Variants in GLDC observed in about 807,000 individuals in gnomAD.
GLDC encodes the protein glycine dehydrogenase (decarboxylating), mitochondrial.
A neutral mutation model predicts 121.3 loss-of-function variants in GLDC; 104 were observed. The ratio of observed to expected loss-of-function variants is 0.86; its 90% CI spans 0.73 to 1.01. GLDC has a LOEUF of 1.01. GLDC is among the 50% of genes least tolerant of loss of function. The pLI, the probability that GLDC is intolerant of heterozygous loss-of-function variation, is 0.00. For missense variants in GLDC, 1,429 were observed against 1,306.6 expected, an observed-to-expected ratio of 1.09 and a Z score of -1.44; for synonymous variants, 546 against 480.6, an observed-to-expected ratio of 1.14 and a Z score of -1.78.
chr9:6,622,244 C>T lies in GLDC; in HGVS notation c.335-1925G>A, dbSNP rs191626583. 1.0e-3 allele frequency among the ~76,000 whole-genome samples: 155 copies of T among 151,798 alleles called. 2 individuals are homozygous for T. The East Asian group carries it at 0.027, about 26-fold the overall frequency. On this transcript the variant is annotated intron_variant, in intron 2 of 24. Transcript: ENST00000321612. ...ATAAATTCACAAGAGATATGGTCCC[C>T]CTCCCCCTCCCCCTCTCCCCACGGT...
At chr9:6,619,667 G>A (rs1330702995) in intron 3 of GLDC, among the ~76,000 whole-genome samples, 1 of 152,210 alleles carries the variant, frequency 6.6e-6, no homozygotes, top group Non-Finnish European at 1.5e-5. Context: ...GGCAGAGGTT[G>A]CAGTGAGCCA....
At position 6,539,551 on chromosome 9, in the gene GLDC, G is replaced by C. The variant is rs139852321; in HGVS notation, c.2665+500C>G. Among the ~76,000 whole-genome samples the C allele has an allele frequency of 6.7e-3, 1,024 of 152,282 alleles. 14 individuals carry two copies. The highest frequency in any genetic ancestry group is 0.024 in the African/African-American group (986 of 41,550). On this transcript the variant is annotated intron_variant, in intron 22 of 24. Coordinates refer to ENST00000321612, the MANE Select transcript of GLDC (RefSeq NM_000170.3). ...ACATTGTTCACTAGGAAAATGTAGT[G>C]AGCTGAGCTGAATGAACACCCACTA...
chr9:6,615,518 T>C (rs954506971), intron 3 of GLDC, among the ~76,000 whole-genome samples: 9 of 151,620 alleles, frequency 5.9e-5, no homozygotes, highest in Non-Finnish European at 1.2e-4. Flanking sequence ...GGAGTTCCAG[T>C]TTACAGTGAG....
Position 6,588,388 on chromosome 9 carries a change from G to C in GLDC, c.1707+13C>G. On this transcript the variant is annotated intron_variant, in intron 14 of 24. Transcript: ENST00000321612. ...CCTTGCTGAGTATCCACTTACAGAAGTGAGCTACTTACTGCGAGTTCAGAC... is the reference window on the plus strand; with the variant it reads ...CCTTGCTGAGTATCCACTTACAGAACTGAGCTACTTACTGCGAGTTCAGAC... The C allele has an allele frequency of 6.3e-7, 1 of 1,597,786 alleles. No homozygotes were observed. The highest frequency in any genetic ancestry group is 8.6e-7 in the Non-Finnish European group (1 of 1,165,178).
intron 15 of GLDC, among the ~76,000 whole-genome samples, chr9:6,583,834 G>C (rs1818216185): frequency 6.6e-6 from 1 of 152,336 alleles, no homozygotes; most frequent in African/African-American, 2.4e-5. Flanking sequence ...GAGCCAGAAA[G>C]TAGAATGGAG....
Position 6,606,639 on chromosome 9 carries a change from A to G in GLDC, c.666T>C (p.Asp222=), listed in dbSNP as rs12004164. 5.6e-3 allele frequency: 8,953 copies of G among 1,608,470 alleles called. 274 individuals carry two copies. The African/African-American group carries it at 0.077, about 14-fold the overall frequency. The change falls in exon 5 of 25, where the codon GAT becomes GAC. Residue 222 remains aspartate, a synonymous_variant. Transcript: ENST00000321612. ...CTATTGTCTGTGGGTGGCAACGGGG[A>G]TCAACGAGAAATTTCCTCCTCTTGT... ...RHNKRRKFLV[D]PRCHPQTIAV... is the part of the protein sequence containing the mutation.
chr9:6,644,419 AAC>A (rs1046789384), intron 2 of GLDC, 193 bp downstream of exon 2: 22 of 634,000 alleles, frequency 3.5e-5, no homozygotes, highest in East Asian at 1.4e-4. Context: ...ACTCTCTCCT[AAC>A]ACAAAACTGT....
At chr9:6,562,594 C>G (rs1006253289) in intron 16 of GLDC, among the ~76,000 whole-genome samples, 4 of 152,128 alleles carry the variant, frequency 2.6e-5, no homozygotes, top group African/African-American at 9.7e-5. Flanking sequence ...GAGTCTTGCT[C>G]TGTTGCCCAG....
In GLDC at chr9:6,602,066, G is replaced by A. The variant is rs7040427; in HGVS notation, c.1155+43C>T. 6,287 of 1,117,120 alleles carry A rather than the reference G, an allele frequency of 5.6e-3. 230 individuals carry two copies. The African/African-American group carries it at 0.081, about 14-fold the overall frequency. 69.2% of individuals were successfully genotyped at this position (1,117,120 alleles called of 1,614,324 possible). ...GAATGAATGAGTAGCTCATTTCTGT[G>A]TATCGTAAGGCATTCAGTAGTCAGG... is the stretch of plus-strand genomic sequence containing the variant. On this transcript the variant is annotated intron_variant, in intron 8 of 24. Transcript: ENST00000321612.
Position 6,624,768 on chromosome 9 carries a change from C to G in GLDC, c.335-4449G>C, listed in dbSNP as rs147899237. Among the ~76,000 whole-genome samples the G allele has an allele frequency of 5.6e-4, 85 of 152,184 alleles. 1 individual carries two copies. Among genetic ancestry groups the G allele is most frequent in the Middle Eastern group, 6.8e-3 (2 of 294 alleles). ...TTGGGAGGCTGAGGCAGGAGGATCA[C>G]TTGAGGTCAAGGAGTTCAAGACCAG... On this transcript the variant is annotated intron_variant, in intron 2 of 24. Transcript: ENST00000321612.
In GLDC at chr9:6,536,092, C is replaced by A; in HGVS notation, c.2810G>T (p.Arg937Leu). ...RQEIADIEEG[R>L]IDPRVNPLKM... Reference sequence around the variant, plus strand: ...CAGCGGATTGACCCTGGGGTCGATGCGGCCCTCCTCAATGTCAGCAATTTC... The same window carrying A: ...CAGCGGATTGACCCTGGGGTCGATGAGGCCCTCCTCAATGTCAGCAATTTC... The change falls in exon 23 of 25, where the codon CGC becomes CTC. Residue 937 changes from arginine (R) to leucine (L), a missense_variant. Physicochemically the swap from Arg to Leu is moderately radical, Grantham distance 102. Transcript: ENST00000321612. 1 of 1,613,734 alleles carries A rather than the reference C, an allele frequency of 6.2e-7. No homozygotes were observed. The highest frequency in any genetic ancestry group is 1.7e-4 in the Middle Eastern group (1 of 5,900).
intron 3 of GLDC, among the ~76,000 whole-genome samples, chr9:6,615,957 A>G (rs1352835725): frequency 1.4e-5 from 2 of 147,840 alleles, no homozygotes; most frequent in African/African-American, 5.0e-5. Context: ...GGCTTGTGCT[A>G]TGCTACCCAG....
At chr9:6,539,897 T>G (rs889545200) in intron 22 of GLDC, among the ~76,000 whole-genome samples, 154 bp downstream of exon 22, 3 of 152,182 alleles carry the variant, frequency 2.0e-5, no homozygotes, top group African/African-American at 4.8e-5. Flanking sequence ...ATAAGCAAAC[T>G]TTTTTCTCTA....
At chr9:6,577,052 G>A (rs1818078516) in intron 15 of GLDC, among the ~76,000 whole-genome samples, 1 of 152,164 alleles carries the variant, frequency 6.6e-6, no homozygotes, top group Non-Finnish European at 1.5e-5. Context: ...ATATATGTGG[G>A]CAGGGAATGA....
At chr9:6,634,305 G>A (rs1232870533) in intron 2 of GLDC, among the ~76,000 whole-genome samples, 2 of 151,914 alleles carry the variant, frequency 1.3e-5, no homozygotes, top group East Asian at 1.9e-4. Context: ...CAAGGCAGGC[G>A]GGTTGCTTGA....
intron 20 of GLDC, among the ~76,000 whole-genome samples, 160 bp downstream of exon 20, chr9:6,553,208 G>T (rs1367320758): frequency 3.3e-5 from 5 of 152,172 alleles, no homozygotes; most frequent in African/African-American, 1.2e-4. Context: ...CATCTCTTCA[G>T]GAAGGTTTCT....
intron 18 of GLDC, among the ~76,000 whole-genome samples, chr9:6,555,260 G>T (rs1359054622): frequency 6.6e-6 from 1 of 152,174 alleles, no homozygotes; most frequent in Non-Finnish European, 1.5e-5. Context: ...GGAGGAGGCT[G>T]AACTGAGAGA....
In GLDC at chr9:6,533,053, C is replaced by T. The variant is rs570239401; in HGVS notation, c.3027G>A (p.Glu1009=). 6.2e-7 allele frequency: 1 copy of T among 1,612,312 alleles called. No homozygotes were observed. The highest frequency in any genetic ancestry group is 1.1e-5 in the South Asian group (1 of 91,040). The change falls in exon 25 of 25, where the codon GAG becomes GAA. Residue 1009 remains glutamate (E), a synonymous_variant. Transcript: ENST00000321612. ...CCCTCTTTTGTTCAGAAAATGGAGA[C>T]TCATAAACTTCCATGGGTGGGCAGG... is the stretch of plus-strand genomic sequence containing the variant. ...VCTCPPMEVY[E]SPFSEQKRAS... is the part of the protein sequence containing the mutation.
intron 21 of GLDC, among the ~76,000 whole-genome samples, chr9:6,547,120 A>T (rs1399811130): frequency 6.6e-6 from 1 of 152,202 alleles, no homozygotes; most frequent in Non-Finnish European, 1.5e-5. Flanking sequence ...TGCTTGGATT[A>T]CAGGTGTGAA....
Sources: gnomAD v4.1 joint callset for allele counts (sites outside exome capture counted in the v4.1 genomes callset) on GRCh38, gnomAD v4.1.1 for gene constraint, MANE v1.5 for transcripts, NCBI Gene and HGNC (gene_info 2026-07-23, HGNC 2026-07-21) for gene names.